The following TM9SF4 variants were observed in gnomAD, a reference collection of about 807,000 sequenced individuals.
TM9SF4 encodes dinucleotide oxidase disulfide thiol exchanger 3 superfamily member 4.
Under a neutral mutation model 90.4 loss-of-function variants are expected in TM9SF4, and 26 were observed. The observed-to-expected ratio is 0.29, with a 90% confidence interval of 0.21 to 0.40. TM9SF4 has a LOEUF of 0.40. Among genes scored for constraint, TM9SF4 ranks in the 10% least tolerant of loss-of-function variants. TM9SF4 has a pLI of 1.00. For synonymous variants in TM9SF4, 293 were observed against 315.4 expected, an observed-to-expected ratio of 0.93 and a Z score of 0.75; for missense variants, 549 against 834.8, an observed-to-expected ratio of 0.66 and a Z score of 4.22.
intron 1 of TM9SF4, among the ~76,000 whole-genome samples, chr20:32,126,584 G>A (rs1160181788): frequency 6.6e-6 from 1 of 152,144 alleles, no homozygotes; most frequent in Non-Finnish European, 1.5e-5. Context: ...TTAACTTGCT[G>A]AGAGCATCTG....
At chr20:32,132,896 A>G in intron 1 of TM9SF4, 117 bp from the exon 2 acceptor site, 1 of 817,286 alleles carries the variant, frequency 1.2e-6, no homozygotes, top group Non-Finnish European at 1.9e-6. Flanking sequence ...TTCATGGGTC[A>G]GAGGGTGGCT....
Position 32,167,118 on chromosome 20 carries a change from G to C in TM9SF4, c.*1674G>C, listed in dbSNP as rs1192671778. 6.6e-6 allele frequency: 1 copy of C among 152,026 alleles called. No individual in the cohort carries two copies. Among genetic ancestry groups the C allele is most frequent in the African/African-American group, 2.4e-5 (1 of 41,374 alleles). 9.4% of individuals were successfully genotyped at this position (152,026 alleles called of 1,614,324 possible). On this transcript the variant is annotated 3_prime_UTR_variant, in exon 18 of 18. Transcript: ENST00000398022. ...GAGATTCTCTTTTTAGGGGGAATGG[G>C]AAACGGACACCTCATAAAGGGTTCA...
At position 32,149,729 on chromosome 20, in the gene TM9SF4, A is replaced by T; in HGVS notation, c.1050A>T (p.Ser350=). ...YPMILSSLLG[S]GIQLFCMILI... ...TGATCCTCAGCTCCCTGCTGGGCTC[A>T]GGCATTCAGCTGTTCTGTATGATCC... The change falls in exon 10 of 18, where the codon TCA becomes TCT. Residue 350 remains serine (S), a synonymous_variant. Transcript: ENST00000398022. The T allele has an allele frequency of 6.2e-7, 1 of 1,614,208 alleles. No homozygotes were observed. The highest frequency in any genetic ancestry group is 8.5e-7 in the Non-Finnish European group (1 of 1,180,026).
At chr20:32,137,671 C>G (rs2046613581) in intron 3 of TM9SF4, among the ~76,000 whole-genome samples, 1 of 152,156 alleles carries the variant, frequency 6.6e-6, no homozygotes, top group African/African-American at 2.4e-5. Context: ...CTGAGTGGAG[C>G]AAAACCATCC....
intron 15 of TM9SF4, 160 bp from the exon 16 acceptor site, chr20:32,159,830 ACC>A: frequency 1.0e-6 from 1 of 965,116 alleles, no homozygotes; most frequent in Non-Finnish European, 1.6e-6. Flanking sequence ...AGTGTGGCTC[ACC>A]CCCTGCTCTG....
intron 17 of TM9SF4, among the ~76,000 whole-genome samples, 200 bp from the exon 18 acceptor site, chr20:32,165,095 T>G (rs1359373785): frequency 1.3e-5 from 2 of 152,098 alleles, no homozygotes; most frequent in African/African-American, 4.8e-5. Flanking sequence ...CTATGAGCAT[T>G]AGGGCAATAC....
At chr20:32,147,576 G>T (rs963373686) in intron 9 of TM9SF4, among the ~76,000 whole-genome samples, 8 of 152,184 alleles carry the variant, frequency 5.3e-5, no homozygotes, top group African/African-American at 1.7e-4. Context: ...GTCGGGGCTG[G>T]GCACGGTGGC....
chr20:32,134,782 C>G (rs1377235810), intron 2 of TM9SF4, among the ~76,000 whole-genome samples: 1 of 151,928 alleles, frequency 6.6e-6, no homozygotes, highest in Non-Finnish European at 1.5e-5. Context: ...AAGCAATTCT[C>G]CTGCCTCAGC....
At chr20:32,157,751 G>A (rs1383108974) in intron 13 of TM9SF4, 43 bp from the exon 14 acceptor site, 2 of 1,606,034 alleles carry the variant, frequency 1.2e-6, no homozygotes, top group Non-Finnish European at 1.7e-6. Context: ...CCCCATCCCG[G>A]GCATCAGGGC....
intron 12 of TM9SF4, among the ~76,000 whole-genome samples, chr20:32,151,088 A>G (rs1232148791): frequency 6.6e-6 from 1 of 151,972 alleles, no homozygotes; most frequent in African/African-American, 2.4e-5. Flanking sequence ...CCACTGCCCC[A>G]TTTGTAAAAT....
chr20:32,118,092 G>A (rs752109452), intron 1 of TM9SF4, among the ~76,000 whole-genome samples: 1 of 152,176 alleles, frequency 6.6e-6, no homozygotes, highest in Non-Finnish European at 1.5e-5. Context: ...AATATAGAAG[G>A]TGATGAAGTC....
At chr20:32,147,431 G>A (rs1370047564) in intron 9 of TM9SF4, among the ~76,000 whole-genome samples, 5 of 152,166 alleles carry the variant, frequency 3.3e-5, no homozygotes, top group African/African-American at 1.2e-4. Context: ...ATTAAAAATT[G>A]TAAAACTATT....
chr20:32,113,441 C>T (rs536695399), intron 1 of TM9SF4, among the ~76,000 whole-genome samples: 1 of 152,256 alleles, frequency 6.6e-6, no homozygotes, highest in South Asian at 2.1e-4. Context: ...TTACAGGATA[C>T]AGTGTTGATC....
At chr20:32,127,845 G>C (rs2046446447) in intron 1 of TM9SF4, among the ~76,000 whole-genome samples, 1 of 152,162 alleles carries the variant, frequency 6.6e-6, no homozygotes, top group Admixed American at 6.5e-5. Context: ...GACTTAATTG[G>C]CTTGATAACC....
At chr20:32,161,216 A>C in intron 16 of TM9SF4, 60 bp from the exon 17 acceptor site, 1 of 1,471,162 alleles carries the variant, frequency 6.8e-7, no homozygotes, top group Non-Finnish European at 9.5e-7. Flanking sequence ...GCAACTGTGA[A>C]ATTGGTAGGA....
intron 1 of TM9SF4, among the ~76,000 whole-genome samples, chr20:32,110,616 G>A (rs1250889562): frequency 6.6e-6 from 1 of 152,048 alleles, no homozygotes; most frequent in Admixed American, 6.6e-5. Flanking sequence ...AACACTAATA[G>A]CCCCACCTCA....
At chr20:32,122,863 C>T (rs2046347141) in intron 1 of TM9SF4, among the ~76,000 whole-genome samples, 1 of 151,994 alleles carries the variant, frequency 6.6e-6, no homozygotes. Context: ...CGCCACTTCA[C>T]TCCAGCCTGG....
At chr20:32,113,437 G>A (rs1448216366) in intron 1 of TM9SF4, among the ~76,000 whole-genome samples, 1 of 152,236 alleles carries the variant, frequency 6.6e-6, no homozygotes, top group East Asian at 1.9e-4. Context: ...AAAGTTACAG[G>A]ATACAGTGTT....
chr20:32,143,069 C>G lies in TM9SF4; in HGVS notation c.616C>G (p.Arg206Gly), dbSNP rs1415837630. ...CCAGGAGCACACGTACCGTGTCGTC[C>G]GCTTCGAGGTGATTCCCCAGAGCAT... ...EDQEHTYRVV[R>G]FEVIPQSIRL... is the part of the protein sequence containing the mutation. The change falls in exon 6 of 18, where the codon CGC (arginine) becomes GGC (glycine). Residue 206 changes from arginine (R) to glycine (G), a missense_variant. Arg to Gly is a moderately radical substitution (Grantham distance 125, BLOSUM62 -2). Around this residue, in one of 2 missense-constraint regions of TM9SF4, gnomAD observed 495 missense variants for 711.7 expected, o/e 0.70. Transcript: ENST00000398022. 2 of 1,613,732 alleles carry G rather than the reference C, an allele frequency of 1.2e-6. No individual in the cohort carries two copies. Among genetic ancestry groups the G allele is most frequent in the Admixed American group, 1.7e-5 (1 of 60,010 alleles).
Sources: gnomAD v4.1 joint callset for allele counts (sites outside exome capture counted in the v4.1 genomes callset) on GRCh38, gnomAD v4.1.1 for gene constraint, gnomAD v4.1.1 regional missense constraint, MANE v1.5 for transcripts, NCBI Gene and HGNC (gene_info 2026-07-23, HGNC 2026-07-21) for gene names.